Variants in TANC1 observed in about 807,000 individuals in gnomAD.
The protein encoded by TANC1 is tetratricopeptide repeat, ankyrin repeat and coiled-coil containing 1.
Under a neutral mutation model 149.7 loss-of-function variants are expected in TANC1, and 77 were observed. The ratio of observed to expected loss-of-function variants is 0.51; its 90% CI spans 0.43 to 0.62. The LOEUF is 0.62. Ranked by LOEUF, TANC1 falls within the 20% of genes least tolerant of loss-of-function variation. The probability of loss-of-function intolerance (pLI) is 0.00; values close to 1 mark genes in which losing one functional copy is unlikely to be tolerated. For missense variants in TANC1, 1,985 were observed against 2,321.8 expected (o/e 0.85, Z 2.98); for synonymous variants, 854 against 925.0 (o/e 0.92, Z 1.39).
intron 5 of TANC1, chr2:159,148,389 G>C (rs936307823): frequency 1.3e-5 from 2 of 152,186 alleles, no homozygotes; most frequent in Admixed American, 1.3e-4. Flanking sequence ...ATTCTCTTAA[G>C]TACAAAAAAA....
Position 159,179,166 on chromosome 2 carries a change from A to G in TANC1, c.2510+3A>G. ...ACGGCCTTCCTGTGTGAGCCCAGGT[A>G]CGGCAGGCGCTTTCTTTCAGCTCTT... On this transcript the variant is annotated splice_donor_region_variant and intron_variant, in intron 14 of 26. Transcript: ENST00000263635. 1 of 1,603,384 alleles carries G rather than the reference A, an allele frequency of 6.2e-7. No homozygotes were observed. Among genetic ancestry groups the G allele is most frequent in the South Asian group, 1.1e-5 (1 of 89,826 alleles).
At chr2:159,008,489 A>G (rs1363222441) in intron 2 of TANC1, among the ~76,000 whole-genome samples, 1 of 152,236 alleles carries the variant, frequency 6.6e-6, no homozygotes, top group African/African-American at 2.4e-5. Flanking sequence ...GGTTTCCAGC[A>G]TGCTCAGGTT....
At chr2:158,970,796 G>A (rs2032754173) in intron 1 of TANC1, among the ~76,000 whole-genome samples, 1 of 152,156 alleles carries the variant, frequency 6.6e-6, no homozygotes, top group Non-Finnish European at 1.5e-5. Flanking sequence ...AGCAGGAAAA[G>A]TCCACAAATA....
chr2:159,109,014 G>A (rs1216468512), intron 4 of TANC1, among the ~76,000 whole-genome samples: 2 of 152,190 alleles, frequency 1.3e-5, no homozygotes, highest in Non-Finnish European at 2.9e-5. Flanking sequence ...AAGGAGATGT[G>A]ATTTTCTTGT....
At chr2:159,027,017 T>A (rs879877947) in intron 2 of TANC1, 1 of 152,158 alleles carries the variant, frequency 6.6e-6, no homozygotes, top group Admixed American at 6.5e-5. Flanking sequence ...GAACACACTT[T>A]TTCACTCATT....
At chr2:159,123,747 C>T (rs190136046) in intron 4 of TANC1, among the ~76,000 whole-genome samples, 89 of 152,282 alleles carry the variant, frequency 5.8e-4, no homozygotes, top group Non-Finnish European at 9.9e-4. Context: ...GAGTACATAG[C>T]TCTGTGCTAA....
chr2:159,190,697 G>A (rs538823331), intron 16 of TANC1, among the ~76,000 whole-genome samples: 13 of 152,246 alleles, frequency 8.5e-5, no homozygotes, highest in Non-Finnish European at 1.3e-4. Flanking sequence ...GATTACAGGC[G>A]TGTGCCACCG....
chr2:159,003,981 C>T (rs76217474), intron 2 of TANC1: 2 of 1,612,486 alleles, frequency 1.2e-6, no homozygotes, highest in Non-Finnish European at 8.5e-7. Context: ...CTAAAAAAAA[C>T]TGGCTGTGAA....
chr2:159,120,366 T>G (rs1217991966), intron 4 of TANC1, among the ~76,000 whole-genome samples: 1 of 152,146 alleles, frequency 6.6e-6, no homozygotes, highest in African/African-American at 2.4e-5. Context: ...TGTTTATTTT[T>G]TTTTAATTTT....
chr2:159,129,394 G>A (rs1049186676), intron 4 of TANC1, among the ~76,000 whole-genome samples: 6 of 152,124 alleles, frequency 3.9e-5, no homozygotes, highest in Non-Finnish European at 8.8e-5. Context: ...ACTGGCCGCT[G>A]GGAAAGTCTA....
intron 4 of TANC1, among the ~76,000 whole-genome samples, 186 bp from the exon 5 acceptor site, chr2:159,136,008 G>GTGTGT (rs1411903263): frequency 2.0e-5 from 1 of 50,922 alleles, no homozygotes; most frequent in Non-Finnish European, 3.9e-5. Context: ...AATTTTGTGT[G>GTGTGT]TGTGTGTGTG....
intron 7 of TANC1, among the ~76,000 whole-genome samples, chr2:159,157,986 G>A (rs1027490892): frequency 1.3e-5 from 2 of 152,100 alleles, no homozygotes; most frequent in Non-Finnish European, 1.5e-5. Context: ...TATTATAATA[G>A]TATATGTACA....
chr2:159,152,917 T>G (rs1371840510), intron 7 of TANC1, among the ~76,000 whole-genome samples: 1 of 152,212 alleles, frequency 6.6e-6, no homozygotes, highest in Non-Finnish European at 1.5e-5. Flanking sequence ...GTGTTGTCAA[T>G]GAAATATTAA....
chr2:159,092,728 A>T (rs1015694207), intron 3 of TANC1, among the ~76,000 whole-genome samples: 1 of 152,132 alleles, frequency 6.6e-6, no homozygotes, highest in East Asian at 1.9e-4. Flanking sequence ...GAAGCAAAGG[A>T]GTGTGTGTGT....
chr2:159,133,633 A>G (rs1260104600), intron 4 of TANC1, among the ~76,000 whole-genome samples: 1 of 146,230 alleles, frequency 6.8e-6, no homozygotes. Context: ...TTCCCTACGC[A>G]TATTTATGTG....
intron 4 of TANC1, among the ~76,000 whole-genome samples, chr2:159,127,499 T>C (rs1035412061): frequency 6.6e-6 from 1 of 152,216 alleles, no homozygotes. Context: ...TGTAAAGACG[T>C]GCACACGTAT....
chr2:159,065,179 T>C (rs2042551624), intron 2 of TANC1, among the ~76,000 whole-genome samples: 1 of 152,212 alleles, frequency 6.6e-6, no homozygotes, highest in African/African-American at 2.4e-5. Context: ...ACCTGGGCCA[T>C]TGTGTTTTTA....
At chr2:159,097,948 G>T in intron 4 of TANC1, 114 bp downstream of exon 4, 2 of 853,400 alleles carry the variant, frequency 2.3e-6, no homozygotes, top group Non-Finnish European at 1.8e-6. Flanking sequence ...CTTTGTCGCA[G>T]TATCTTCTAG....
intron 3 of TANC1, among the ~76,000 whole-genome samples, chr2:159,085,492 A>G (rs192717009): frequency 2.6e-5 from 4 of 152,282 alleles, no homozygotes; most frequent in African/African-American, 7.2e-5. Flanking sequence ...CACAATGGGC[A>G]TTGTGTTAGT....
Sources: allele counts gnomAD v4.1 joint callset (sites outside exome capture counted in the v4.1 genomes callset), GRCh38; gene constraint gnomAD v4.1.1; transcripts MANE v1.5; gene names NCBI Gene and HGNC (gene_info 2026-07-23, HGNC 2026-07-21).